Variants in TGM6 observed in about 807,000 individuals in gnomAD.
The protein encoded by TGM6 is transglutaminase 6, also known as protein-glutamine gamma-glutamyltransferase 6.
In TGM6, 74 loss-of-function variants were observed where a neutral mutation model predicts 77.5. The ratio of observed to expected loss-of-function variants is 0.96; its 90% CI spans 0.79 to 1.16. The LOEUF is 1.16. TGM6 is among the 50% of genes most tolerant of loss of function. The pLI, the probability that TGM6 is intolerant of heterozygous loss-of-function variation, is 0.00. For synonymous variants in TGM6, 383 were observed against 378.9 expected, an observed-to-expected ratio of 1.01 and a Z score of -0.12; for missense variants, 968 against 940.2, an observed-to-expected ratio of 1.03 and a Z score of -0.39.
chr20:2,412,691 C>T (rs762586265), intron 9 of TGM6, among the ~76,000 whole-genome samples: 12 of 151,956 alleles, frequency 7.9e-5, no homozygotes, highest in Non-Finnish European at 1.6e-4. Flanking sequence ...GTTTGCAGAA[C>T]ACAAGATCAA....
rs754216250 is a variant in TGM6 at position 2,394,464 on chromosome 20, C to G, written c.20C>G (p.Thr7Ser). MAGIRV[T>S]KVDWQRSRNG... is the part of the protein sequence containing the mutation. The stretch of plus-strand genomic sequence containing the variant: ...TCTCCCCACCCAGGGATCAGAGTCA[C>G]CAAGGTGGACTGGCAGCGGTCGAGG... Residue 7 changes from threonine to serine, a missense_variant, in exon 2 of 13, where the codon ACC becomes AGC. Transcript: ENST00000202625. The G allele has an allele frequency of 1.2e-6, 2 of 1,611,542 alleles. No homozygotes were observed. The highest frequency in any genetic ancestry group is 1.7e-6 in the Non-Finnish European group (2 of 1,179,850).
chr20:2,422,645 T>C (rs2084864131), intron 10 of TGM6, among the ~76,000 whole-genome samples: 1 of 151,932 alleles, frequency 6.6e-6, no homozygotes, highest in African/African-American at 2.4e-5. Context: ...ATGCTAACAA[T>C]CGGGGCCAGG....
chr20:2,400,361 C>CG lies in TGM6; in HGVS notation c.907dup (p.Asp303GlyfsTer35). The CG allele has an allele frequency of 6.2e-7, 1 of 1,614,218 alleles. No homozygotes were observed. Among genetic ancestry groups the CG allele is most frequent in the African/African-American group, 1.3e-5 (1 of 75,064 alleles). The stretch of plus-strand genomic sequence containing the variant: ...TCGTGTCCAACTTCAACTCAGCCCA[C>CG]GACACAGACCAGAACCTGAGTGTGG... On this transcript the variant is annotated frameshift_variant, in exon 7 of 13. Coordinates refer to ENST00000202625, the MANE Select transcript of TGM6 (RefSeq NM_198994.3). LOFTEE classifies it high-confidence loss of function.
At chr20:2,400,093 C>A (rs1183185157) in intron 6 of TGM6, among the ~76,000 whole-genome samples, 2 of 152,178 alleles carry the variant, frequency 1.3e-5, no homozygotes, top group South Asian at 4.1e-4. Context: ...AACAGCATAT[C>A]CTGAAGTCCT....
chr20:2,389,063 T>G (rs2084614393), intron 1 of TGM6, among the ~76,000 whole-genome samples: 1 of 152,208 alleles, frequency 6.6e-6, no homozygotes, highest in South Asian at 2.1e-4. Context: ...CATAGGCCTT[T>G]GTAACTGCCT....
chr20:2,394,650 T>C (rs1246244363), intron 2 of TGM6, 25 bp downstream of exon 2: 1 of 1,594,620 alleles, frequency 6.3e-7, no homozygotes, highest in Non-Finnish European at 8.5e-7. Context: ...CAGCACCCTC[T>C]TCTCGTCTGC....
At position 2,424,242 on chromosome 20, in the gene TGM6, A is replaced by G. The variant is rs954271039; in HGVS notation, c.1679-6204A>G. On this transcript the variant is annotated intron_variant, in intron 10 of 12. Coordinates refer to ENST00000202625, the MANE Select transcript of TGM6 (RefSeq NM_198994.3). ...ACTTCTGTCCCGCTATGAAAGTCCT[A>G]GATGGCATCTTCTTCCAATATAAAG... Among the ~76,000 whole-genome samples, 12 of 152,346 alleles carry G rather than the reference A, an allele frequency of 7.9e-5. 1 individual carries two copies. The South Asian group carries it at 1.2e-3, about 16-fold the overall frequency.
chr20:2,431,853 G>C (rs115298742), intron 12 of TGM6, among the ~76,000 whole-genome samples: 8 of 152,170 alleles, frequency 5.3e-5, no homozygotes, highest in Non-Finnish European at 1.2e-4. Context: ...GTCAGGGAAG[G>C]TCTCCTGGAA....
chr20:2,417,772 T>A (rs952707472), intron 10 of TGM6, among the ~76,000 whole-genome samples, 199 bp downstream of exon 10: 1 of 152,156 alleles, frequency 6.6e-6, no homozygotes, highest in Non-Finnish European at 1.5e-5. Flanking sequence ...AAAACACTAA[T>A]AACAGTAATG....
In TGM6 at chr20:2,381,849, T is replaced by C. The variant is rs1160757487; in HGVS notation, c.7+874T>C. On this transcript the variant is annotated intron_variant, in intron 1 of 12. Coordinates refer to ENST00000202625, the MANE Select transcript of TGM6 (RefSeq NM_198994.3). ...GAGAGGATCGCTTGAGCTTAGGAGG[T>C]AGAGGCTACAGTGAGCCAAGATGGT... is the stretch of plus-strand genomic sequence containing the variant. Among the ~76,000 whole-genome samples the C allele has an allele frequency of 5.5e-4, 84 of 151,806 alleles. 1 individual carries two copies. The highest frequency in any genetic ancestry group is 1.5e-4 in the Non-Finnish European group (10 of 67,958).
intron 9 of TGM6, among the ~76,000 whole-genome samples, chr20:2,405,414 GT>G (rs1297054626): frequency 6.6e-6 from 1 of 152,204 alleles, no homozygotes; most frequent in Non-Finnish European, 1.5e-5. Flanking sequence ...ACGGGATGTG[GT>G]TTTGGCACTG....
At chr20:2,412,597 A>G (rs1172864113) in intron 9 of TGM6, among the ~76,000 whole-genome samples, 7 of 152,186 alleles carry the variant, frequency 4.6e-5, no homozygotes, top group Non-Finnish European at 5.9e-5. Context: ...TTGGAAAGAA[A>G]TTTGCACATG....
intron 5 of TGM6, 90 bp downstream of exon 5, chr20:2,398,136 C>T: frequency 6.2e-7 from 1 of 1,604,366 alleles, no homozygotes; most frequent in Non-Finnish European, 8.5e-7. Context: ...TCCCATCACC[C>T]CTTGTTTTAA....
In TGM6 at chr20:2,415,360, T is replaced by G. The variant is rs181683537; in HGVS notation, c.1337-1872T>G. Among the ~76,000 whole-genome samples the G allele has an allele frequency of 1.5e-4, 23 of 152,192 alleles. No individual in the cohort carries two copies. The East Asian group carries it at 4.2e-3, about 28-fold the overall frequency. On this transcript the variant is annotated intron_variant, in intron 9 of 12. Coordinates refer to ENST00000202625, the MANE Select transcript of TGM6 (RefSeq NM_198994.3). The stretch of plus-strand genomic sequence containing the variant: ...AATAGGGAAGGAGAACCATCAGAAT[T>G]GGACTTTGGAATCATCAGAGTGGAA...
intron 7 of TGM6, 59 bp from the exon 8 acceptor site, chr20:2,403,338 G>C (rs2084724254): frequency 6.3e-7 from 1 of 1,589,630 alleles, no homozygotes; most frequent in African/African-American, 1.3e-5. Context: ...CTCTCAGTAG[G>C]ATCTTCCCTT....
rs755432031 is a variant in TGM6, at chr20:2,395,270, A to G, written c.258A>G (p.Thr86=). The change falls in exon 3 of 13, where the codon ACA becomes ACG. Residue 86 remains threonine, a synonymous_variant. Coordinates refer to ENST00000202625, the MANE Select transcript of TGM6 (RefSeq NM_198994.3). Reference sequence around the variant, plus strand: ...AGCTGGAGCGGGGTGAGGGCTGGACAGCAGCAAGGGAGGCTCAGATGGAGA... The same window carrying G: ...AGCTGGAGCGGGGTGAGGGCTGGACGGCAGCAAGGGAGGCTCAGATGGAGA... ...TSELERGEGW[T]AAREAQMEKT... is the part of the protein sequence containing the mutation. 3.7e-6 allele frequency: 6 copies of G among 1,614,060 alleles called. No homozygotes were observed. The African/African-American group carries it at 8.0e-5, about 22-fold the overall frequency.
chr20:2,422,253 A>G (rs921897127), intron 10 of TGM6, among the ~76,000 whole-genome samples: 1 of 152,216 alleles, frequency 6.6e-6, no homozygotes, highest in African/African-American at 2.4e-5. Flanking sequence ...ACATTTTGTA[A>G]AGAATGTAAG....
rs114378131 is a variant in TGM6 at position 2,405,125 on chromosome 20, T to C, written c.1336+1302T>C. Among the ~76,000 whole-genome samples the C allele has an allele frequency of 9.4e-3, 1,433 of 152,302 alleles. 23 individuals carry two copies. The highest frequency in any genetic ancestry group is 0.033 in the African/African-American group (1,370 of 41,564). On this transcript the variant is annotated intron_variant, in intron 9 of 12. Coordinates refer to ENST00000202625, the MANE Select transcript of TGM6 (RefSeq NM_198994.3). ...TGTCACGTGGGACTGCTGAGATGGC[T>C]GGGTCTGTGTTCCCACTCGGCCTCT...
chr20:2,384,748 C>T (rs757312240), intron 1 of TGM6, among the ~76,000 whole-genome samples: 5 of 152,090 alleles, frequency 3.3e-5, no homozygotes, highest in Non-Finnish European at 5.9e-5. Flanking sequence ...GCTGAGAAGA[C>T]GATGAGAGGG....
Sources: gnomAD v4.1 joint callset for allele counts (sites outside exome capture counted in the v4.1 genomes callset) on GRCh38, gnomAD v4.1.1 for gene constraint, MANE v1.5 for transcripts, NCBI Gene and HGNC (gene_info 2026-07-23, HGNC 2026-07-21) for gene names.